Variants in MAPT observed in about 807,000 individuals in gnomAD.
MAPT encodes the protein microtubule-associated protein tau.
A neutral mutation model predicts 67.9 loss-of-function variants in MAPT; 34 were observed. The observed-to-expected ratio is 0.50, with a 90% CI of 0.38 to 0.67. The LOEUF (loss-of-function observed/expected upper bound fraction) is 0.67, where lower values mean the gene tolerates loss of function less well. Among genes scored for constraint, MAPT ranks in the 30% least tolerant of loss-of-function variants. MAPT has a pLI of 0.00. For synonymous variants in MAPT, 456 were observed against 464.5 expected (o/e 0.98, Z 0.23); for missense variants, 881 against 1,115.2 (o/e 0.79, Z 2.99).
rs1034314034 is a variant in MAPT at position 46,027,254 on chromosome 17, G to C, written c.*3083G>C. On this transcript the variant is annotated 3_prime_UTR_variant, in exon 13 of 13. Transcript: ENST00000262410. ...CTGGGATCTCCCCCTTGTGGGGCAG[G>C]CTCTTGGGGCCAGCCTAAGATCATG... The C allele has an allele frequency of 5.2e-5, 8 of 152,610 alleles. No individual in the cohort carries two copies. The highest frequency in any genetic ancestry group is 4.6e-4 in the Admixed American group (7 of 15,292). The allele number at this position is 152,610 out of a possible 1,614,324, so 9.5% of individuals were successfully genotyped here. A position where few individuals can be genotyped will look rare whatever the true frequency, so the allele number is the denominator to read the frequency against.
intron 9 of MAPT, among the ~76,000 whole-genome samples, chr17:46,007,114 C>A (rs1010237812): frequency 5.9e-5 from 9 of 151,714 alleles, no homozygotes; most frequent in Middle Eastern, 3.4e-3. Flanking sequence ...ATCTCATGTA[C>A]CCCACAAGTA....
chr17:45,970,965 T>A (rs1008580337), intron 2 of MAPT, among the ~76,000 whole-genome samples: 2 of 152,194 alleles, frequency 1.3e-5, no homozygotes, highest in Admixed American at 1.3e-4. Context: ...CAGCTCTGTA[T>A]ACATTGGGCT....
chr17:45,921,273 C>T (rs950856914), intron 1 of MAPT, among the ~76,000 whole-genome samples: 2 of 152,170 alleles, frequency 1.3e-5, no homozygotes, highest in Non-Finnish European at 2.9e-5. Flanking sequence ...AATGGACCAT[C>T]AACATCCCTT....
rs779043983 is a variant in MAPT, at chr17:46,010,345, C to T, written c.2034C>T (p.Asn678=). The change falls in exon 10 of 13, where the codon AAC becomes AAT. Residue 678 remains asparagine, a synonymous_variant. Coordinates refer to ENST00000262410, the MANE Select transcript of MAPT (RefSeq NM_001377265.1). The surrounding 1 kb of genome is among the most constrained non-coding windows in gnomAD (Gnocchi z 4.7). Reference sequence around the variant, plus strand: ...TTAATAAGAAGCTGGATCTTAGCAACGTCCAGTCCAAGTGTGGCTCAAAGG... The same window carrying T: ...TTAATAAGAAGCTGGATCTTAGCAATGTCCAGTCCAAGTGTGGCTCAAAGG... ...QIINKKLDLS[N]VQSKCGSKDN... is the part of the protein sequence containing the mutation. The T allele has an allele frequency of 1.4e-5, 22 of 1,581,746 alleles. No homozygotes were observed. The highest frequency in any genetic ancestry group is 3.4e-4 in the Middle Eastern group (2 of 5,802).
At chr17:46,013,256 G>A (rs2075946062) in intron 10 of MAPT, among the ~76,000 whole-genome samples, 3 of 152,202 alleles carry the variant, frequency 2.0e-5, no homozygotes, top group Non-Finnish European at 4.4e-5. Context: ...ACTGCTGGAG[G>A]CCCTGGGGAC....
chr17:45,964,358 T>TC (rs1338350479), intron 2 of MAPT, among the ~76,000 whole-genome samples: 3 of 75,102 alleles, frequency 4.0e-5, no homozygotes, highest in African/African-American at 5.4e-5. Flanking sequence ...CCCTCCCCCC[T>TC]CCCCCCACCC....
In MAPT at chr17:45,995,828, C is replaced by T. The variant is rs1469516953; in HGVS notation, c.1733-571C>T. ...GTGCTGGCAGGAGCCCTGAACTAGC[C>T]GAACAGCTGAACAGCTGAACATTCA... On this transcript the variant is annotated intron_variant, in intron 8 of 12. Coordinates refer to ENST00000262410, the MANE Select transcript of MAPT (RefSeq NM_001377265.1). This position sits in a 1 kb window ranked among gnomAD's most constrained non-coding sequence, Gnocchi z 4.3. 2.6e-5 allele frequency among the ~76,000 whole-genome samples: 4 copies of T among 152,108 alleles called. No individual in the cohort carries two copies. Among genetic ancestry groups the T allele is most frequent in the Non-Finnish European group, 4.4e-5 (3 of 68,018 alleles).
chr17:45,924,061 G>A (rs2066020042), intron 1 of MAPT, among the ~76,000 whole-genome samples: 1 of 152,098 alleles, frequency 6.6e-6, no homozygotes, highest in African/African-American at 2.4e-5. Flanking sequence ...CATTTCACAA[G>A]CCCTTCATTT....
intron 9 of MAPT, among the ~76,000 whole-genome samples, chr17:46,007,667 A>G (rs1430763301): frequency 6.6e-6 from 1 of 152,166 alleles, no homozygotes; most frequent in East Asian, 1.9e-4. Flanking sequence ...AATAAGCAAA[A>G]CAATGTTGTA....
intron 1 of MAPT, among the ~76,000 whole-genome samples, chr17:45,922,615 A>T (rs540855810): frequency 3.2e-4 from 48 of 152,196 alleles, no homozygotes; most frequent in Non-Finnish European, 5.6e-4. Context: ...CTTAAAGGAG[A>T]GGATGCCTAA....
chr17:45,947,878 A>G (rs944764340), intron 1 of MAPT, among the ~76,000 whole-genome samples: 1 of 152,154 alleles, frequency 6.6e-6, no homozygotes, highest in Non-Finnish European at 1.5e-5. Context: ...CAAATTATCT[A>G]TACTCATTGA....
chr17:45,984,024 CCTG>C, intron 5 of MAPT, 94 bp downstream of exon 5: 1 of 1,073,594 alleles, frequency 9.3e-7, no homozygotes, highest in Non-Finnish European at 1.3e-6. Flanking sequence ...CCTCCCGACT[CCTG>C]CTGCTTCTGA....
At chr17:45,924,591 T>G (rs55685451) in intron 1 of MAPT, among the ~76,000 whole-genome samples, 21,832 of 152,288 alleles carry the variant, frequency 0.14, 2,138 homozygotes, top group Middle Eastern at 0.22. Context: ...GCAGCCCCTG[T>G]GGACCCTCAG....
At position 46,024,101 on chromosome 17, in the gene MAPT, T is replaced by A. The variant is rs773142577; in HGVS notation, c.2432T>A (p.Met811Lys). The change falls in exon 13 of 13, where the codon ATG becomes AAG. Residue 811 changes from methionine to lysine, a missense_variant. Met to Lys is a moderately conservative substitution (Grantham distance 95, BLOSUM62 -1). Coordinates refer to ENST00000262410, the MANE Select transcript of MAPT (RefSeq NM_001377265.1). ...SNVSSTGSIDMVDSPQLATLA... is the reference protein window; with the variant it reads ...SNVSSTGSIDKVDSPQLATLA... ...GTCTCCTCCACCGGCAGCATCGACA[T>A]GGTAGACTCGCCCCAGCTCGCCACG... is the stretch of plus-strand genomic sequence containing the variant. 2 of 1,613,966 alleles carry A rather than the reference T, an allele frequency of 1.2e-6. No homozygotes were observed. The highest frequency in any genetic ancestry group is 1.7e-6 in the Non-Finnish European group (2 of 1,180,024).
At chr17:45,943,260 G>C (rs2068158977) in intron 1 of MAPT, among the ~76,000 whole-genome samples, 1 of 152,140 alleles carries the variant, frequency 6.6e-6, no homozygotes, top group Non-Finnish European at 1.5e-5. Flanking sequence ...TTGCTGTGTT[G>C]GCCAAGCTGA....
chr17:45,955,508 C>T (rs535604241), intron 1 of MAPT, among the ~76,000 whole-genome samples: 2 of 152,324 alleles, frequency 1.3e-5, no homozygotes, highest in East Asian at 3.9e-4. Context: ...CCAGCCACCT[C>T]ACCCACCTAC....
intron 1 of MAPT, among the ~76,000 whole-genome samples, chr17:45,945,674 G>A (rs892851639): frequency 3.9e-5 from 6 of 152,130 alleles, no homozygotes; most frequent in Admixed American, 2.0e-4. Context: ...TTAGCTGGGC[G>A]TGGTGGTGCA....
chr17:45,941,628 T>C lies in MAPT; in HGVS notation c.-17-20693T>C, dbSNP rs1447837526. ...CTTCCCTCCCTCCCCCCTTCCCTCCTTCCCTCTTTCCCTCCTTCCCCCCTT... is the reference window on the plus strand; with the variant it reads ...CTTCCCTCCCTCCCCCCTTCCCTCCCTCCCTCTTTCCCTCCTTCCCCCCTT... On this transcript the variant is annotated intron_variant, in intron 1 of 12. Transcript: ENST00000262410. Among the ~76,000 whole-genome samples, 30 of 108,560 alleles carry C rather than the reference T, an allele frequency of 2.8e-4. 1 individual carries two copies. The highest frequency in any genetic ancestry group is 6.9e-4 in the East Asian group (2 of 2,914). The allele number at this position is 108,560 out of a possible 152,430, so 71.2% of individuals were successfully genotyped here. A position where few individuals can be genotyped will look rare whatever the true frequency, so the allele number is the denominator to read the frequency against.
chr17:45,976,707 A>C (rs987633331), intron 3 of MAPT: 5 of 151,674 alleles, frequency 3.3e-5, no homozygotes, highest in African/African-American at 9.7e-5. Flanking sequence ...GTGAGGCCCA[A>C]CCTCCCTCCA....
Sources: allele counts gnomAD v4.1 joint callset (sites outside exome capture counted in the v4.1 genomes callset), GRCh38; gene constraint gnomAD v4.1.1; non-coding constraint Gnocchi (gnomAD v3.1); transcripts MANE v1.5; gene names NCBI Gene and HGNC (gene_info 2026-07-23, HGNC 2026-07-21).